Variants in GRAMD4 observed in about 807,000 individuals in gnomAD.
GRAMD4 encodes GRAM domain-containing protein 4.
GRAMD4 carries 25 observed loss-of-function variants against 83.9 expected under a neutral mutation model. The observed-to-expected ratio is 0.30, with a 90% CI of 0.22 to 0.42. GRAMD4 has a LOEUF of 0.42. Among genes scored for constraint, GRAMD4 ranks in the 10% least tolerant of loss-of-function variants. The probability of loss-of-function intolerance (pLI) is 1.00; values close to 1 mark genes in which losing one functional copy is unlikely to be tolerated. For missense variants in GRAMD4, 593 were observed against 788.7 expected (o/e 0.75, Z 2.97); for synonymous variants, 336 against 320.9 (o/e 1.05, Z -0.50).
At chr22:46,648,166 A>G (rs922608933) in intron 3 of GRAMD4, among the ~76,000 whole-genome samples, 3 of 151,858 alleles carry the variant, frequency 2.0e-5, no homozygotes, top group African/African-American at 7.3e-5. Context: ...GGATGGGTGG[A>G]TGGATAAATG....
chr22:46,600,090 C>T (rs2081298157), intron 1 of GRAMD4, among the ~76,000 whole-genome samples: 1 of 152,132 alleles, frequency 6.6e-6, no homozygotes, highest in Admixed American at 6.6e-5. Context: ...AGGATTCTTC[C>T]TGAGGTGTCT....
Position 46,659,555 on chromosome 22 carries a change from C to T in GRAMD4, c.404+1248C>T, listed in dbSNP as rs1569296292. On this transcript the variant is annotated intron_variant, in intron 4 of 18. Transcript: ENST00000406902. This position sits in a 1 kb window ranked among gnomAD's most constrained non-coding sequence, Gnocchi z 4.1. ...CGGGGGCCGTGTGTCATTGTCAGGA[C>T]TCCAAGTGTCGCTGCTTAGCTGGCC... Among the ~76,000 whole-genome samples, 1 of 152,264 alleles carries T rather than the reference C, an allele frequency of 6.6e-6. No individual in the cohort carries two copies. Among genetic ancestry groups the T allele is most frequent in the Non-Finnish European group, 1.5e-5 (1 of 68,048 alleles).
rs1327219351 is a variant in GRAMD4, at chr22:46,627,030, C to T, written c.162+69C>T. 1.5e-5 allele frequency: 17 copies of T among 1,133,900 alleles called. No homozygotes were observed. The East Asian group carries it at 2.1e-4, about 14-fold the overall frequency. 70.2% of individuals were successfully genotyped at this position (1,133,900 alleles called of 1,614,324 possible). ...CCCCGTCCTCTGTGGCCGGGCCAAG[C>T]GTGGACTCAGGCAGATTCGTGTCCT... On this transcript the variant is annotated intron_variant, in intron 2 of 18. Transcript: ENST00000406902.
chr22:46,588,221 G>A (rs528252149), intron 1 of GRAMD4, among the ~76,000 whole-genome samples: 34 of 152,254 alleles, frequency 2.2e-4, no homozygotes, highest in African/African-American at 7.9e-4. Flanking sequence ...AGGAGCATGG[G>A]AGAAGCCAGG....
chr22:46,662,369 G>A (rs976315506), intron 5 of GRAMD4, among the ~76,000 whole-genome samples: 6 of 152,236 alleles, frequency 3.9e-5, no homozygotes. Flanking sequence ...CGCTGCAGGC[G>A]GCTCCTCACT....
rs568697367 is a variant in GRAMD4, at chr22:46,674,999, G to T, written c.1478+249G>T. Among the ~76,000 whole-genome samples, 3 of 152,394 alleles carry T rather than the reference G, an allele frequency of 2.0e-5. No individual in the cohort carries two copies. The East Asian group carries it at 5.8e-4, about 29-fold the overall frequency. On this transcript the variant is annotated intron_variant, in intron 16 of 18. Coordinates refer to ENST00000406902, the MANE Select transcript of GRAMD4 (RefSeq NM_015124.5). ...GGATGCTGTCTTCTCTGGGGCCCAA[G>T]CAGTTCATGGAGACGAGGGGCAGAG...
Position 46,626,893 on chromosome 22 carries a change from T to C in GRAMD4, c.94T>C (p.Cys32Arg). Residue 32 changes from cysteine to arginine, a missense_variant, in exon 2 of 19, where the codon TGC becomes CGC. Cys to Arg is a radical substitution (Grantham distance 180). Around this residue, in one of 4 missense-constraint regions of GRAMD4, gnomAD observed 312 missense variants for 350.7 expected, o/e 0.89. Transcript: ENST00000406902. ...AESPNASDTE[C>R]SDEIPLKVPR... ...GTCTCCAAATGCCTCGGACACCGAA[T>C]GCAGCGACGAAATCCCCCTGAAGGT... The C allele has an allele frequency of 6.2e-7, 1 of 1,614,168 alleles. No homozygotes were observed. Among genetic ancestry groups the C allele is most frequent in the African/African-American group, 1.3e-5 (1 of 75,054 alleles).
chr22:46,680,154 T>G (rs2082652851), downstream of GRAMD4, among the ~76,000 whole-genome samples: 1 of 152,154 alleles, frequency 6.6e-6, no homozygotes, highest in Non-Finnish European at 1.5e-5. Flanking sequence ...TCAGGGGGCA[T>G]GCAGGCTTTG....
At chr22:46,670,836 C>G (rs189677540) in intron 13 of GRAMD4, among the ~76,000 whole-genome samples, 1 of 152,240 alleles carries the variant, frequency 6.6e-6, no homozygotes, top group African/African-American at 2.4e-5. Flanking sequence ...GAACCCCTGA[C>G]ATCATGATCC....
At position 46,678,578 on chromosome 22, in the gene GRAMD4, G is replaced by A. The variant is rs1018726748; in HGVS notation, c.*1327G>A. 12 of 985,388 alleles carry A rather than the reference G, an allele frequency of 1.2e-5. No homozygotes were observed. Among genetic ancestry groups the A allele is most frequent in the East Asian group, 1.1e-4 (1 of 8,828 alleles). The allele number at this position is 985,388 out of a possible 1,614,324, so 61.0% of individuals were successfully genotyped here. ...CGCGGGCCTGCGTGTCTGCTGGGGCGGATCCCGCAGCTCCCTCAGCTTGTC... is the reference window on the plus strand; with the variant it reads ...CGCGGGCCTGCGTGTCTGCTGGGGCAGATCCCGCAGCTCCCTCAGCTTGTC... On this transcript the variant is annotated 3_prime_UTR_variant, in exon 19 of 19. Transcript: ENST00000406902.
In GRAMD4 at chr22:46,622,444, C is replaced by T. The variant is rs1181254221; in HGVS notation, c.-50+1879C>T. ...TTACATTGCTACACTTCCCCTAGCCCGTTCATCCTTCCTTTTTAAACATTA... is the reference window on the plus strand; with the variant it reads ...TTACATTGCTACACTTCCCCTAGCCTGTTCATCCTTCCTTTTTAAACATTA... On this transcript the variant is annotated intron_variant, in intron 1 of 18. Coordinates refer to ENST00000406902, the MANE Select transcript of GRAMD4 (RefSeq NM_015124.5). This position sits in a 1 kb window ranked among gnomAD's most constrained non-coding sequence, Gnocchi z 4.0. Among the ~76,000 whole-genome samples the T allele has an allele frequency of 6.6e-6, 1 of 152,162 alleles. No homozygotes were observed. Among genetic ancestry groups the T allele is most frequent in the Non-Finnish European group, 1.5e-5 (1 of 68,032 alleles).
At chr22:46,673,868 C>T in intron 15 of GRAMD4, 54 bp downstream of exon 15, 2 of 1,593,378 alleles carry the variant, frequency 1.3e-6, no homozygotes, top group East Asian at 2.2e-5. Flanking sequence ...GACTGAAGGC[C>T]CGTGAGGGGG....
chr22:46,615,582 CGT>C (rs1271012373), upstream of GRAMD4, among the ~76,000 whole-genome samples: 1 of 77,234 alleles, frequency 1.3e-5, no homozygotes, highest in Non-Finnish European at 2.5e-5. Flanking sequence ...TTCCCCTGTG[CGT>C]GTAGGTTCCC....
At chr22:46,670,566 G>A (rs2081096055) in intron 13 of GRAMD4, among the ~76,000 whole-genome samples, 1 of 152,172 alleles carries the variant, frequency 6.6e-6, no homozygotes, top group Admixed American at 6.5e-5. Context: ...CGGGGAGCCT[G>A]GGGGTGTGCA....
At chr22:46,665,370 C>T (rs538615580) in intron 8 of GRAMD4, among the ~76,000 whole-genome samples, 1 of 152,380 alleles carries the variant, frequency 6.6e-6, no homozygotes, top group East Asian at 1.9e-4. Flanking sequence ...ACCAGCCGCC[C>T]TCTTCTGTCC....
intron 1 of GRAMD4, among the ~76,000 whole-genome samples, chr22:46,607,893 C>T (rs868224197): frequency 1.3e-5 from 2 of 152,130 alleles, no homozygotes; most frequent in Non-Finnish European, 1.5e-5. Flanking sequence ...CCTCAGCCTG[C>T]GGTGCCGCGA....
chr22:46,625,305 C>T (rs1443520562), intron 1 of GRAMD4, among the ~76,000 whole-genome samples: 4 of 152,224 alleles, frequency 2.6e-5, no homozygotes, highest in Non-Finnish European at 4.4e-5. Flanking sequence ...TCGGTCCTCA[C>T]TGTTAATGAG....
intron 3 of GRAMD4, among the ~76,000 whole-genome samples, chr22:46,640,451 G>C (rs2081958868): frequency 6.6e-6 from 1 of 152,140 alleles, no homozygotes; most frequent in Non-Finnish European, 1.5e-5. Flanking sequence ...GAACCCACAG[G>C]GCTGCCTCTC....
chr22:46,580,967 C>CAAAAAA (rs558020415), intron 1 of GRAMD4, among the ~76,000 whole-genome samples: 1 of 86,928 alleles, frequency 1.2e-5, no homozygotes, highest in Non-Finnish European at 2.4e-5. Context: ...AACTCCATCT[C>CAAAAAA]AAAAAAAAAA....
Sources: gnomAD v4.1 joint callset for allele counts (sites outside exome capture counted in the v4.1 genomes callset) on GRCh38, gnomAD v4.1.1 for gene constraint, gnomAD v4.1.1 regional missense constraint, Gnocchi (gnomAD v3.1) non-coding constraint, MANE v1.5 for transcripts, NCBI Gene and HGNC (gene_info 2026-07-23, HGNC 2026-07-21) for gene names.